DNAH11: variants seen among roughly 807,000 people sequenced by gnomAD.
DNAH11 encodes axonemal beta dynein heavy chain 11.
DNAH11 carries 442 observed loss-of-function variants against 526.0 expected under a neutral mutation model. That is an observed-to-expected ratio of 0.84 (90% CI 0.78 to 0.91). The LOEUF is 0.91. Ranked by LOEUF, DNAH11 falls within the 40% of genes least tolerant of loss-of-function variation. The probability of loss-of-function intolerance (pLI) is 0.00; values close to 1 mark genes in which losing one functional copy is unlikely to be tolerated. For missense variants in DNAH11, 6,989 were observed against 5,448.7 expected, an observed-to-expected ratio of 1.28 and a Z score of -8.90; for synonymous variants, 2,461 against 1,935.9, an observed-to-expected ratio of 1.27 and a Z score of -7.12.
At position 21,637,631 on chromosome 7, in the gene DNAH11, C is replaced by G; in HGVS notation, c.4746C>G (p.Ala1582=). ...AEFKELMFKT[A]KVENVLEATC... is the part of the protein sequence containing the mutation. Reference sequence around the variant, plus strand: ...TGCAGGAGTTAATGTTCAAGACAGCCAAAGTAGAAAATGTGTTAGAAGCAA... The same window carrying G: ...TGCAGGAGTTAATGTTCAAGACAGCGAAAGTAGAAAATGTGTTAGAAGCAA... The change falls in exon 27 of 82, where the codon GCC becomes GCG. Residue 1582 remains alanine, a synonymous_variant. Coordinates refer to ENST00000409508, the MANE Select transcript of DNAH11 (RefSeq NM_001277115.2). 1 of 1,588,050 alleles carries G rather than the reference C, an allele frequency of 6.3e-7. No individual in the cohort carries two copies. The highest frequency in any genetic ancestry group is 8.6e-7 in the Non-Finnish European group (1 of 1,166,254).
intron 44 of DNAH11, 143 bp downstream of exon 44, chr7:21,720,999 T>G: frequency 9.2e-7 from 1 of 1,083,008 alleles, no homozygotes; most frequent in Non-Finnish European, 1.2e-6. Flanking sequence ...GTCTATGCAT[T>G]CTCTGGGTAG....
chr7:21,877,874 CAAAAA>C (rs59694030), intron 74 of DNAH11, among the ~76,000 whole-genome samples: 30 of 66,612 alleles, frequency 4.5e-4, no homozygotes, highest in African/African-American at 1.7e-3. Flanking sequence ...GACTCCATCT[CAAAAA>C]AAAAAAAAAA....
chr7:21,897,114 C>A (rs964529995), intron 79 of DNAH11, among the ~76,000 whole-genome samples: 1 of 152,006 alleles, frequency 6.6e-6, no homozygotes, highest in African/African-American at 2.4e-5. Flanking sequence ...ATTATCAGTT[C>A]CAGGTTTTTT....
At chr7:21,758,106 C>G (rs1419208308) in intron 54 of DNAH11, among the ~76,000 whole-genome samples, 3 of 152,218 alleles carry the variant, frequency 2.0e-5, no homozygotes, top group Non-Finnish European at 4.4e-5. Context: ...ACAAGAAACA[C>G]TCTAACAACT....
intron 69 of DNAH11, among the ~76,000 whole-genome samples, chr7:21,863,079 AG>A (rs1335361661): frequency 0.15 from 4,286 of 28,536 alleles, 174 homozygotes; most frequent in African/African-American, 0.22. Flanking sequence ...AAAAAAAAAA[AG>A]AAAAAGAAAA....
rs190630855 is a variant in DNAH11 at position 21,588,680 on chromosome 7, C to T, written c.1973+44C>T. The T allele has an allele frequency of 1.5e-4, 233 of 1,594,918 alleles. No individual in the cohort carries two copies. The Admixed American group carries it at 2.6e-3, about 18-fold the overall frequency. ...GTCATGGCAAGTTATTCTAATGGTA[C>T]GGGTGACATTTTATATAAGAGAGTG... On this transcript the variant is annotated intron_variant, in intron 11 of 81. Transcript: ENST00000409508.
intron 57 of DNAH11, 53 bp from the exon 58 acceptor site, chr7:21,784,374 G>A (rs1788082277): frequency 7.4e-7 from 1 of 1,347,856 alleles, no homozygotes; most frequent in East Asian, 2.4e-5. Flanking sequence ...TTTCTTTAGA[G>A]ATATCTGTGA....
chr7:21,652,224 A>G (rs1781807579), intron 28 of DNAH11, among the ~76,000 whole-genome samples: 2 of 152,212 alleles, frequency 1.3e-5, no homozygotes. Flanking sequence ...TGACAAAAAG[A>G]ATGAAGATGT....
intron 81 of DNAH11, among the ~76,000 whole-genome samples, chr7:21,900,737 T>G (rs1365076919): frequency 7.3e-6 from 1 of 137,584 alleles, no homozygotes; most frequent in Non-Finnish European, 1.7e-5. Context: ...TCAGTGTATG[T>G]GAATTCTCTT....
chr7:21,762,674 C>CT (rs1437298290), intron 54 of DNAH11, among the ~76,000 whole-genome samples: 1 of 152,140 alleles, frequency 6.6e-6, no homozygotes, highest in African/African-American at 2.4e-5. Context: ...GATTACTCAG[C>CT]TTATGCAACA....
At chr7:21,813,214 A>G (rs538385425) in intron 63 of DNAH11, among the ~76,000 whole-genome samples, 138 of 123,626 alleles carry the variant, frequency 1.1e-3, no homozygotes, top group African/African-American at 4.1e-3. Flanking sequence ...GGGCAGATGG[A>G]CAGAGTCATA....
chr7:21,897,314 T>A (rs1784551732), intron 79 of DNAH11, among the ~76,000 whole-genome samples: 1 of 152,126 alleles, frequency 6.6e-6, no homozygotes, highest in African/African-American at 2.4e-5. Flanking sequence ...CCTATACTCT[T>A]ATGTCTATAC....
chr7:21,800,847 C>T lies in DNAH11; in HGVS notation c.10027-290C>T, dbSNP rs16872982. On this transcript the variant is annotated intron_variant, in intron 61 of 81. Transcript: ENST00000409508. ...TGATAGTGCACCCACGGCGTATTTG[C>T]ATCTTCAGCGCACATCCATTCACCC... Among the ~76,000 whole-genome samples the T allele has an allele frequency of 9.2e-3, 1,405 of 152,278 alleles. 36 individuals are homozygous for T. The highest frequency in any genetic ancestry group is 0.03 in the African/African-American group (1,248 of 41,558).
chr7:21,744,536 A>G lies in DNAH11; in HGVS notation c.8253A>G (p.Ile2751Met), dbSNP rs748860182. ...CCCGTGTTTATGGAGACAAACTGAT[A>G]GACAAAAAAGATTGTGATTTGTTTC... Reference protein sequence around the residue: ...ESARVYGDKLIDKKDCDLFQR... With the variant: ...ESARVYGDKLMDKKDCDLFQR... Residue 2751 changes from isoleucine to methionine, a missense_variant, in exon 50 of 82, where the codon ATA (isoleucine) becomes ATG (methionine). Physicochemically the swap from Ile to Met is conservative, Grantham distance 10 (BLOSUM62 1). Transcript: ENST00000409508. The G allele has an allele frequency of 6.2e-7, 1 of 1,613,286 alleles. No individual in the cohort carries two copies. The highest frequency in any genetic ancestry group is 8.5e-7 in the Non-Finnish European group (1 of 1,179,768).
At chr7:21,563,068 T>C (rs1413339366) in intron 5 of DNAH11, among the ~76,000 whole-genome samples, 1 of 152,214 alleles carries the variant, frequency 6.6e-6, no homozygotes, top group Non-Finnish European at 1.5e-5. Context: ...AAATGGAATC[T>C]CATGGAGATC....
intron 70 of DNAH11, among the ~76,000 whole-genome samples, chr7:21,866,009 A>T (rs1400740732): frequency 1.3e-5 from 2 of 152,188 alleles, no homozygotes; most frequent in African/African-American, 2.4e-5. Context: ...GTTGGGTTTT[A>T]GCCAACTTCC....
intron 68 of DNAH11, among the ~76,000 whole-genome samples, chr7:21,857,757 G>A (rs959705595): frequency 6.6e-6 from 1 of 151,942 alleles, no homozygotes; most frequent in Non-Finnish European, 1.5e-5. Context: ...AATGGTGCTG[G>A]AGCAATTGGA....
intron 2 of DNAH11, among the ~76,000 whole-genome samples, chr7:21,552,769 C>G (rs1402084195): frequency 6.6e-6 from 1 of 152,194 alleles, no homozygotes; most frequent in African/African-American, 2.4e-5. Context: ...ACAAAGAGGT[C>G]TCTGCTCCTG....
At chr7:21,647,648 G>T (rs979184611) in intron 28 of DNAH11, among the ~76,000 whole-genome samples, 1 of 151,834 alleles carries the variant, frequency 6.6e-6, no homozygotes, top group East Asian at 1.9e-4. Context: ...AGCCAGGATG[G>T]TCTTGATCTC....
Sources: gnomAD v4.1 joint callset for allele counts (sites outside exome capture counted in the v4.1 genomes callset) on GRCh38, gnomAD v4.1.1 for gene constraint, MANE v1.5 for transcripts, NCBI Gene and HGNC (gene_info 2026-07-23, HGNC 2026-07-21) for gene names.